Variants in EPHA5 observed in about 807,000 individuals in gnomAD.
EPHA5 encodes ephrin type-A receptor 5.
EPHA5 carries 60 observed loss-of-function variants against 105.0 expected under a neutral mutation model. The ratio of observed to expected loss-of-function variants is 0.57; its 90% CI spans 0.46 to 0.71. The LOEUF is 0.71. Among genes scored for constraint, EPHA5 ranks in the 30% least tolerant of loss-of-function variants. The pLI is 0.00. For missense variants in EPHA5, 1,218 were observed against 1,274.7 expected (o/e 0.96, Z 0.68); for synonymous variants, 513 against 449.1 (o/e 1.14, Z -1.80).
At chr4:65,365,301 A>T in intron 10 of EPHA5, 99 bp from the exon 11 acceptor site, 1 of 673,580 alleles carries the variant, frequency 1.5e-6, no homozygotes. Context: ...AGATGAAAAA[A>T]CAAACAAACA....
At chr4:65,350,148 T>G (rs138034817) in intron 13 of EPHA5, among the ~76,000 whole-genome samples, 17 of 152,218 alleles carry the variant, frequency 1.1e-4, no homozygotes, top group African/African-American at 3.9e-4. Context: ...TCAATCTTGA[T>G]CAGGCAAAAT....
At chr4:65,666,541 G>T (rs1184716449) in intron 1 of EPHA5, among the ~76,000 whole-genome samples, 1 of 152,146 alleles carries the variant, frequency 6.6e-6, no homozygotes, top group Non-Finnish European at 1.5e-5. Flanking sequence ...ATTTTCACTT[G>T]CAGATACACT....
At position 65,391,106 on chromosome 4, in the gene EPHA5, G is replaced by A. The variant is rs1158717549; in HGVS notation, c.1793+13268C>T. Among the ~76,000 whole-genome samples the A allele has an allele frequency of 2.0e-5, 3 of 152,106 alleles. No homozygotes were observed. The East Asian group carries it at 5.8e-4, about 30-fold the overall frequency. ...ATTATAAAACCATTAGTTCTTGTAA[G>A]AACTCACTCAGGATCATGAGAACAA... is the stretch of plus-strand genomic sequence containing the variant. On this transcript the variant is annotated intron_variant, in intron 8 of 16. Coordinates refer to ENST00000613740, the MANE Select transcript of EPHA5 (RefSeq NM_001281766.3).
chr4:65,344,587 A>G (rs574527890), intron 14 of EPHA5, among the ~76,000 whole-genome samples: 2 of 152,330 alleles, frequency 1.3e-5, no homozygotes, highest in East Asian at 3.9e-4. Context: ...GTTTCCCTTG[A>G]GTGAAGTAGA....
At chr4:65,335,484 A>G (rs532944790) in intron 15 of EPHA5, among the ~76,000 whole-genome samples, 9 of 152,150 alleles carry the variant, frequency 5.9e-5, no homozygotes, top group Non-Finnish European at 8.8e-5. Flanking sequence ...AAAATTGTCA[A>G]TGTTTCTAAA....
intron 6 of EPHA5, among the ~76,000 whole-genome samples, chr4:65,417,659 G>A (rs1287306912): frequency 1.3e-5 from 2 of 151,630 alleles, no homozygotes; most frequent in Non-Finnish European, 2.9e-5. Context: ...TCATATAATG[G>A]AATATACAGC....
chr4:65,425,288 T>C (rs1260294691), intron 5 of EPHA5, among the ~76,000 whole-genome samples: 2 of 152,098 alleles, frequency 1.3e-5, no homozygotes, highest in South Asian at 2.1e-4. Context: ...TTTGATTCTA[T>C]AGGTTAAAAT....
chr4:65,596,065 A>G (rs922154506), intron 3 of EPHA5, among the ~76,000 whole-genome samples: 1 of 152,204 alleles, frequency 6.6e-6, no homozygotes, highest in African/African-American at 2.4e-5. Flanking sequence ...ATTTCCCACC[A>G]TATTCAAATT....
intron 5 of EPHA5, among the ~76,000 whole-genome samples, chr4:65,434,312 T>C (rs992693436): frequency 3.9e-5 from 6 of 152,066 alleles, no homozygotes; most frequent in Admixed American, 6.6e-5. Flanking sequence ...GGACATTTTT[T>C]TTAAGAAGAG....
intron 3 of EPHA5, among the ~76,000 whole-genome samples, chr4:65,570,711 C>T (rs759449536): frequency 1.5e-4 from 23 of 151,928 alleles, no homozygotes; most frequent in Non-Finnish European, 3.4e-4. Flanking sequence ...GAAAAAAAAT[C>T]GTAGTATTCT....
At chr4:65,512,474 G>A (rs4541571) in intron 3 of EPHA5, among the ~76,000 whole-genome samples, 90,857 of 151,804 alleles carry the variant, frequency 0.6, 29,227 homozygotes, top group East Asian at 0.84. Context: ...TTCATGAATG[G>A]TGAACCGCCA....
intron 2 of EPHA5, among the ~76,000 whole-genome samples, chr4:65,615,954 C>A (rs932896732): frequency 6.6e-6 from 1 of 151,866 alleles, no homozygotes; most frequent in Admixed American, 6.6e-5. Flanking sequence ...TGGTAAATAA[C>A]AACTTACGTC....
rs185918312 is a variant in EPHA5, at chr4:65,324,875, T to C, written c.2946-656A>G. The stretch of plus-strand genomic sequence containing the variant: ...TCAGAACACTTTTCAATCAAGATAC[T>C]TCTGTGCATTTTTTTCAACATGCTT... On this transcript the variant is annotated intron_variant, in intron 16 of 16. Transcript: ENST00000613740. Among the ~76,000 whole-genome samples the C allele has an allele frequency of 3.4e-5, 5 of 149,174 alleles. 1 individual carries two copies. The highest frequency in any genetic ancestry group is 1.2e-4 in the African/African-American group (5 of 41,094).
At chr4:65,566,083 C>T (rs1362390385) in intron 3 of EPHA5, among the ~76,000 whole-genome samples, 1 of 151,594 alleles carries the variant, frequency 6.6e-6, no homozygotes, top group Non-Finnish European at 1.5e-5. Flanking sequence ...ACAAAGAGAC[C>T]TCTGTGGGGG....
At position 65,478,099 on chromosome 4, in the gene EPHA5, G is replaced by A. The variant is rs961014331; in HGVS notation, c.1402+12278C>T. On this transcript the variant is annotated intron_variant, in intron 5 of 16. Transcript: ENST00000613740. ...TTGAACTGTTTTCCAAACAGCAAAC[G>A]CACAAGGTAACAAGCACAGAACTTG... Among the ~76,000 whole-genome samples the A allele has an allele frequency of 4.0e-4, 61 of 152,242 alleles. 1 individual carries two copies. The highest frequency in any genetic ancestry group is 3.1e-3 in the Admixed American group (47 of 15,294).
intron 3 of EPHA5, among the ~76,000 whole-genome samples, chr4:65,506,869 T>G (rs1733082052): frequency 6.6e-6 from 1 of 152,178 alleles, no homozygotes; most frequent in Non-Finnish European, 1.5e-5. Context: ...TTTAATTAGA[T>G]CCCATTTGTC....
At chr4:65,406,496 G>C (rs939468643) in intron 7 of EPHA5, among the ~76,000 whole-genome samples, 1 of 152,096 alleles carries the variant, frequency 6.6e-6, no homozygotes, top group Non-Finnish European at 1.5e-5. Flanking sequence ...TGTCAGTTCT[G>C]ATGGCTTCAT....
intron 1 of EPHA5, among the ~76,000 whole-genome samples, chr4:65,660,615 G>A (rs934009656): frequency 6.6e-6 from 1 of 152,124 alleles, no homozygotes; most frequent in Middle Eastern, 3.4e-3. Flanking sequence ...CAACCTTTTG[G>A]ATGTACCTTT....
intron 7 of EPHA5, among the ~76,000 whole-genome samples, chr4:65,407,909 C>T (rs1470786010): frequency 1.3e-5 from 2 of 150,308 alleles, no homozygotes; most frequent in East Asian, 2.0e-4. Flanking sequence ...GCCTGCACCA[C>T]CACCTATGGC....
Sources: allele counts gnomAD v4.1 joint callset (sites outside exome capture counted in the v4.1 genomes callset), GRCh38; gene constraint gnomAD v4.1.1; transcripts MANE v1.5; gene names NCBI Gene and HGNC (gene_info 2026-07-23, HGNC 2026-07-21).